RASAL2: variants seen among roughly 807,000 people sequenced by gnomAD.
RASAL2 encodes ras GTPase-activating protein nGAP.
In RASAL2, 58 loss-of-function variants were observed where a neutral mutation model predicts 128.9. The observed-to-expected ratio is 0.45, with a 90% confidence interval of 0.36 to 0.56. The LOEUF (loss-of-function observed/expected upper bound fraction) is 0.56, where lower values mean the gene tolerates loss of function less well. Among genes scored for constraint, RASAL2 ranks in the 20% least tolerant of loss-of-function variants. The pLI, the probability that RASAL2 is intolerant of heterozygous loss-of-function variation, is 0.00. For synonymous variants in RASAL2, 561 were observed against 580.8 expected (o/e 0.97, Z 0.49); for missense variants, 1,360 against 1,601.6 (o/e 0.85, Z 2.57).
At chr1:178,175,980 A>G (rs1486361341) in intron 1 of RASAL2, among the ~76,000 whole-genome samples, 1 of 152,160 alleles carries the variant, frequency 6.6e-6, no homozygotes, top group Non-Finnish European at 1.5e-5. Flanking sequence ...GGTTAGTTCC[A>G]TGTCTTTGCA....
rs954283199 is a variant in RASAL2 at position 178,451,429 on chromosome 1, A to G, written c.1628-142A>G. The G allele has an allele frequency of 1.7e-5, 14 of 813,414 alleles. 1 individual carries two copies. Among genetic ancestry groups the G allele is most frequent in the East Asian group, 1.6e-4 (6 of 37,940 alleles). The allele number at this position is 813,414 out of a possible 1,614,324, so 50.4% of individuals were successfully genotyped here. ...TTGGGTTCCAAAGCAATGAGGCTTC[A>G]TGGGCCATCTTTTGTGCCCTCCCTG... On this transcript the variant is annotated intron_variant, in intron 9 of 17. Coordinates refer to ENST00000367649, the MANE Select transcript of RASAL2 (RefSeq NM_170692.4).
At chr1:178,147,479 CAAAA>C (rs71297899) in intron 1 of RASAL2, among the ~76,000 whole-genome samples, 1 of 82,962 alleles carries the variant, frequency 1.2e-5, no homozygotes. Context: ...GACTCCGTCT[CAAAA>C]AAAAAAAAAA....
intron 4 of RASAL2, among the ~76,000 whole-genome samples, chr1:178,403,871 A>T (rs934895297): frequency 2.0e-5 from 3 of 152,268 alleles, no homozygotes; most frequent in African/African-American, 4.8e-5. Context: ...ACAAAAAAAT[A>T]AAAAAATTAA....
chr1:178,370,421 T>C (rs1212165334), intron 3 of RASAL2, among the ~76,000 whole-genome samples: 3 of 152,238 alleles, frequency 2.0e-5, no homozygotes, highest in Non-Finnish European at 4.4e-5. Flanking sequence ...TAAGCATGCA[T>C]AGCCTGTGGA....
chr1:178,314,629 A>AT (rs966198448), intron 3 of RASAL2, among the ~76,000 whole-genome samples: 2 of 151,490 alleles, frequency 1.3e-5, no homozygotes, highest in African/African-American at 4.8e-5. Context: ...TGTTTACAAT[A>AT]TTTTTTTTGA....
At chr1:178,439,044 G>T (rs1676453909) in intron 5 of RASAL2, among the ~76,000 whole-genome samples, 1 of 151,718 alleles carries the variant, frequency 6.6e-6, no homozygotes, top group Non-Finnish European at 1.5e-5. Flanking sequence ...TTGTCTTTTG[G>T]CAATACCTTT....
intron 1 of RASAL2, among the ~76,000 whole-genome samples, chr1:178,244,533 G>A (rs1664679343): frequency 6.6e-6 from 1 of 152,182 alleles, no homozygotes; most frequent in South Asian, 2.1e-4. Flanking sequence ...GAGCCACTGT[G>A]CCCAGCCTAT....
At chr1:178,192,307 G>A (rs1236672541) in intron 1 of RASAL2, among the ~76,000 whole-genome samples, 2 of 151,928 alleles carry the variant, frequency 1.3e-5, no homozygotes, top group Admixed American at 6.6e-5. Flanking sequence ...ACTCTGTTAG[G>A]CACCTTGGAG....
At chr1:178,218,507 T>C (rs944719486) in intron 1 of RASAL2, among the ~76,000 whole-genome samples, 9 of 152,032 alleles carry the variant, frequency 5.9e-5, no homozygotes, top group Non-Finnish European at 1.3e-4. Context: ...GCCAACATGG[T>C]GAAACCCCTT....
Position 178,422,546 on chromosome 1 carries a change from G to C in RASAL2, c.674+1926G>C, listed in dbSNP as rs80170555. 2.6e-4 allele frequency among the ~76,000 whole-genome samples: 39 copies of C among 152,150 alleles called. No homozygotes were observed. In the East Asian group the frequency reaches 7.3e-3, roughly 29 times the overall value. ...GGTGTACTCAATATAGTTTGAATGTGTTACCATTTTTAAAAAAGACTCTCT... is the reference window on the plus strand; with the variant it reads ...GGTGTACTCAATATAGTTTGAATGTCTTACCATTTTTAAAAAAGACTCTCT... On this transcript the variant is annotated intron_variant, in intron 5 of 17. Transcript: ENST00000367649.
rs1479833716 is a variant in RASAL2 at position 178,460,761 on chromosome 1, T to C, written c.3252+2217T>C. On this transcript the variant is annotated intron_variant, in intron 14 of 17. Coordinates refer to ENST00000367649, the MANE Select transcript of RASAL2 (RefSeq NM_170692.4). ...TGATTGCTCAAGTTTCTTTTTTTTT[T>C]CCTACACTGGCTTTTGGTTCATTGT... Among the ~76,000 whole-genome samples, 3 of 152,288 alleles carry C rather than the reference T, an allele frequency of 2.0e-5. No individual in the cohort carries two copies. In the East Asian group the frequency reaches 5.8e-4, roughly 29 times the overall value.
At chr1:178,342,976 G>T (rs1235620038) in intron 3 of RASAL2, among the ~76,000 whole-genome samples, 8 of 152,158 alleles carry the variant, frequency 5.3e-5, no homozygotes, top group Non-Finnish European at 8.8e-5. Flanking sequence ...CCTAAAAAAG[G>T]TTGCTGCCCT....
Position 178,445,734 on chromosome 1 carries a change from G to T in RASAL2, c.1627+72G>T. On this transcript the variant is annotated intron_variant, in intron 9 of 17. Transcript: ENST00000367649. ...TTAAGCTATTTCACCCCCATGAGACGAATTGAGCTCAAATTCTGCATGTTA... is the reference window on the plus strand; with the variant it reads ...TTAAGCTATTTCACCCCCATGAGACTAATTGAGCTCAAATTCTGCATGTTA... 3.5e-6 allele frequency: 5 copies of T among 1,436,202 alleles called. No homozygotes were observed. The South Asian group carries it at 4.2e-5, about 12-fold the overall frequency. The allele number at this position is 1,436,202 out of a possible 1,614,324, so 89.0% of individuals were successfully genotyped here.
chr1:178,136,103 A>C (rs1660316305), intron 1 of RASAL2, among the ~76,000 whole-genome samples: 1 of 152,222 alleles, frequency 6.6e-6, no homozygotes, highest in Non-Finnish European at 1.5e-5. Context: ...TAGGATTGCT[A>C]ATATAAAAGA....
chr1:178,204,729 T>C (rs888254655), intron 1 of RASAL2, among the ~76,000 whole-genome samples: 7 of 152,212 alleles, frequency 4.6e-5, no homozygotes, highest in Non-Finnish European at 1.5e-5. Flanking sequence ...ATCAAAGCAA[T>C]GTATGAAATT....
chr1:178,233,578 T>A (rs1664101005), intron 1 of RASAL2, among the ~76,000 whole-genome samples: 1 of 152,138 alleles, frequency 6.6e-6, no homozygotes, highest in Admixed American at 6.6e-5. Flanking sequence ...CAACAAAAGG[T>A]CATCCTGCCA....
chr1:178,210,574 C>T (rs1663216444), intron 1 of RASAL2, among the ~76,000 whole-genome samples: 2 of 152,186 alleles, frequency 1.3e-5, no homozygotes, highest in South Asian at 4.1e-4. Context: ...TAGTCTTATC[C>T]TACTTTGCGG....
rs1666886251 is a variant in RASAL2 at position 178,283,609 on chromosome 1, C to T, written c.248C>T (p.Pro83Leu). Residue 83 changes from proline (P) to leucine (L), a missense_variant, in exon 2 of 18, where the codon CCC (proline) becomes CTC (leucine). Coordinates refer to ENST00000367649, the MANE Select transcript of RASAL2 (RefSeq NM_170692.4). ...CACCGTCTGTCTTGTGGTCAGTCAC[C>T]CTACACCGAGACAACAACGTGGGAG... Reference protein sequence around the residue: ...PTHRLSCGQSPYTETTTWERK... With the variant: ...PTHRLSCGQSLYTETTTWERK... 6.2e-7 allele frequency: 1 copy of T among 1,613,322 alleles called. No homozygotes were observed.
intron 3 of RASAL2, among the ~76,000 whole-genome samples, chr1:178,326,791 G>A (rs190472915): frequency 0.012 from 1,752 of 152,182 alleles, 17 homozygotes; most frequent in Middle Eastern, 0.017. Flanking sequence ...TGATCTGCCC[G>A]CCTCGGCCTC....
Sources: allele counts gnomAD v4.1 joint callset (sites outside exome capture counted in the v4.1 genomes callset), GRCh38; gene constraint gnomAD v4.1.1; transcripts MANE v1.5; gene names NCBI Gene and HGNC (gene_info 2026-07-23, HGNC 2026-07-21).